The following TEAD1 variants were observed in gnomAD, a reference collection of about 807,000 sequenced individuals.
The protein encoded by TEAD1 is TEA domain transcription factor 1, also known as transcriptional enhancer factor TEF-1.
In TEAD1, 9 loss-of-function variants were observed where a neutral mutation model predicts 54.9. That is an observed-to-expected ratio of 0.16 (90% confidence interval 0.10 to 0.29). The LOEUF (loss-of-function observed/expected upper bound fraction) is 0.29, where lower values mean the gene tolerates loss of function less well. TEAD1 is among the 10% of genes least tolerant of loss of function. The pLI, the probability that TEAD1 is intolerant of heterozygous loss-of-function variation, is 1.00. For synonymous variants in TEAD1, 200 were observed against 187.8 expected (o/e 1.07, Z -0.53); for missense variants, 387 against 535.9 (o/e 0.72, Z 2.74).
intron 2 of TEAD1, among the ~76,000 whole-genome samples, chr11:12,715,585 G>A (rs745779217): frequency 1.4e-4 from 22 of 152,132 alleles, no homozygotes; most frequent in Non-Finnish European, 2.5e-4. Context: ...TGATGCAGAC[G>A]GGGCTGCTGG....
intron 3 of TEAD1, among the ~76,000 whole-genome samples, chr11:12,780,013 TG>T (rs2133946716): frequency 6.6e-6 from 1 of 152,310 alleles, no homozygotes; most frequent in East Asian, 1.9e-4. Context: ...GAGACAAGGA[TG>T]TCTGCTTTTA....
At chr11:12,821,961 CTTTTTTTTTTTT>C (rs10700151) in intron 3 of TEAD1, among the ~76,000 whole-genome samples, 1 of 68,084 alleles carries the variant, frequency 1.5e-5, no homozygotes, top group Non-Finnish European at 2.5e-5. Flanking sequence ...TTCTCTTTTC[CTTTTTTTTTTTT>C]TTTTTTTTGA....
chr11:12,918,183 A>T (rs1016119972), intron 10 of TEAD1, among the ~76,000 whole-genome samples: 2 of 152,080 alleles, frequency 1.3e-5, no homozygotes, highest in African/African-American at 4.8e-5. Flanking sequence ...GAACTCTGCA[A>T]ATCCCAGACT....
rs577236548 is a variant in TEAD1, at chr11:12,934,722, C to T, written c.1168-2387C>T. ...TTTATAAACAGAATGCTCAAGTCTGCACTTTCTACCTCAGAGGTTATCATT... is the reference window on the plus strand; with the variant it reads ...TTTATAAACAGAATGCTCAAGTCTGTACTTTCTACCTCAGAGGTTATCATT... On this transcript the variant is annotated intron_variant, in intron 12 of 12. Coordinates refer to ENST00000527636, the MANE Select transcript of TEAD1 (RefSeq NM_021961.6). Among the ~76,000 whole-genome samples, 128 of 152,220 alleles carry T rather than the reference C, an allele frequency of 8.4e-4. 1 individual carries two copies. Among genetic ancestry groups the T allele is most frequent in the Middle Eastern group, 3.4e-3 (1 of 294 alleles).
intron 2 of TEAD1, among the ~76,000 whole-genome samples, chr11:12,693,757 C>T (rs1176959961): frequency 6.6e-6 from 1 of 152,150 alleles, no homozygotes; most frequent in Non-Finnish European, 1.5e-5. Context: ...TTTTGATTTT[C>T]CTGAATCTTA....
intron 2 of TEAD1, among the ~76,000 whole-genome samples, chr11:12,714,880 G>T (rs1316078457): frequency 6.6e-6 from 1 of 152,082 alleles, no homozygotes; most frequent in Non-Finnish European, 1.5e-5. Context: ...AGTCACACTC[G>T]GTTAGGGCCC....
chr11:12,906,541 CAAAAA>C (rs57220080), intron 10 of TEAD1, among the ~76,000 whole-genome samples: 71 of 143,126 alleles, frequency 5.0e-4, no homozygotes, highest in South Asian at 1.3e-3. Context: ...GACTCCTTCT[CAAAAA>C]AAAAAAAAAA....
At chr11:12,874,747 A>G (rs1436760482) in intron 5 of TEAD1, among the ~76,000 whole-genome samples, 1 of 152,092 alleles carries the variant, frequency 6.6e-6, no homozygotes, top group East Asian at 1.9e-4. Context: ...TTTCCCATCA[A>G]AAGTCCATAG....
intron 10 of TEAD1, among the ~76,000 whole-genome samples, chr11:12,912,637 CGTA>C (rs1948637404): frequency 6.6e-6 from 1 of 152,088 alleles, no homozygotes; most frequent in South Asian, 2.1e-4. Flanking sequence ...AAGCCTAAAA[CGTA>C]GTAGGAATGA....
At chr11:12,880,567 C>T (rs570718628) in intron 6 of TEAD1, among the ~76,000 whole-genome samples, 4 of 152,200 alleles carry the variant, frequency 2.6e-5, no homozygotes, top group African/African-American at 4.8e-5. Context: ...CCTGCATTGC[C>T]GCTTGGAGCT....
chr11:12,888,375 G>A (rs1948133833), intron 9 of TEAD1, among the ~76,000 whole-genome samples: 2 of 152,224 alleles, frequency 1.3e-5, no homozygotes, highest in South Asian at 4.1e-4. Flanking sequence ...TGGGCATGGT[G>A]GAGGGTACCT....
intron 3 of TEAD1, among the ~76,000 whole-genome samples, chr11:12,789,330 C>T (rs1056078907): frequency 3.3e-5 from 5 of 152,148 alleles, no homozygotes; most frequent in Non-Finnish European, 7.3e-5. Context: ...TGACCAGTGT[C>T]ATTCTTATTG....
intron 3 of TEAD1, among the ~76,000 whole-genome samples, chr11:12,786,289 A>G (rs1229264737): frequency 6.6e-6 from 1 of 152,160 alleles, no homozygotes. Context: ...TTCTATCTAA[A>G]GCTGGCAGAA....
intron 3 of TEAD1, among the ~76,000 whole-genome samples, chr11:12,850,819 A>G (rs1451344667): frequency 6.6e-6 from 1 of 152,196 alleles, no homozygotes; most frequent in African/African-American, 2.4e-5. Context: ...TCTTGGGTTA[A>G]TGTTAAGATT....
intron 3 of TEAD1, among the ~76,000 whole-genome samples, chr11:12,857,812 C>T (rs778014076): frequency 2.0e-5 from 3 of 152,054 alleles, no homozygotes; most frequent in South Asian, 2.1e-4. Flanking sequence ...GGGGCCAGTG[C>T]GGTGGCTCAT....
At chr11:12,747,454 C>A (rs1944769804) in intron 2 of TEAD1, among the ~76,000 whole-genome samples, 2 of 152,144 alleles carry the variant, frequency 1.3e-5, no homozygotes, top group African/African-American at 4.8e-5. Flanking sequence ...CCTGCCTCAG[C>A]CTCCTGAGTA....
In TEAD1 at chr11:12,731,094, C is replaced by T. The variant is rs145358464; in HGVS notation, c.-54-33085C>T. 2.1e-3 allele frequency among the ~76,000 whole-genome samples: 322 copies of T among 152,242 alleles called. 1 individual carries two copies. Among genetic ancestry groups the T allele is most frequent in the African/African-American group, 7.5e-3 (313 of 41,548 alleles). Reference sequence around the variant, plus strand: ...AGGCCAGTTTATTTCACTTATACACCATTCTCTTATGTTGAGCTTAGATAG... The same window carrying T: ...AGGCCAGTTTATTTCACTTATACACTATTCTCTTATGTTGAGCTTAGATAG... On this transcript the variant is annotated intron_variant, in intron 2 of 12. Transcript: ENST00000527636.
At chr11:12,703,538 A>G (rs1441070487) in intron 2 of TEAD1, among the ~76,000 whole-genome samples, 1 of 152,158 alleles carries the variant, frequency 6.6e-6, no homozygotes, top group Non-Finnish European at 1.5e-5. Context: ...CTTTACCTGG[A>G]GGGATCTTTG....
intron 2 of TEAD1, among the ~76,000 whole-genome samples, chr11:12,704,289 A>G (rs1943767299): frequency 6.6e-6 from 1 of 152,208 alleles, no homozygotes; most frequent in Non-Finnish European, 1.5e-5. Context: ...CCTTCTGAGA[A>G]GTTAGACAGA....
Sources: gnomAD v4.1 joint callset for allele counts (sites outside exome capture counted in the v4.1 genomes callset) on GRCh38, gnomAD v4.1.1 for gene constraint, MANE v1.5 for transcripts, NCBI Gene and HGNC (gene_info 2026-07-23, HGNC 2026-07-21) for gene names.